SLIT3: variants seen among roughly 807,000 people sequenced by gnomAD.
SLIT3 encodes slit homolog 3 protein.
Under a neutral mutation model 184.0 loss-of-function variants are expected in SLIT3, and 68 were observed. The observed-to-expected ratio is 0.37, with a 90% CI of 0.30 to 0.45. The LOEUF (loss-of-function observed/expected upper bound fraction) is 0.45. SLIT3 is among the 20% of genes least tolerant of loss of function. The pLI is 1.00. For missense variants in SLIT3, 1,707 were observed against 2,026.0 expected, an observed-to-expected ratio of 0.84 and a Z score of 3.02; for synonymous variants, 831 against 828.6, an observed-to-expected ratio of 1.00 and a Z score of -0.05.
At chr5:169,132,714 A>T (rs186463881) in intron 4 of SLIT3, among the ~76,000 whole-genome samples, 1 of 152,196 alleles carries the variant, frequency 6.6e-6, no homozygotes, top group Non-Finnish European at 1.5e-5. Flanking sequence ...GATGCACTAA[A>T]TTTCTTGGCT....
chr5:169,172,316 T>A (rs891514652), intron 4 of SLIT3, among the ~76,000 whole-genome samples: 5 of 152,354 alleles, frequency 3.3e-5, no homozygotes, highest in Non-Finnish European at 7.3e-5. Context: ...GTTTAACCTA[T>A]GAATTAACCT....
chr5:168,950,738 G>C (rs935497038), intron 4 of SLIT3, among the ~76,000 whole-genome samples: 1 of 152,204 alleles, frequency 6.6e-6, no homozygotes, highest in African/African-American at 2.4e-5. Flanking sequence ...ACGTAAGGAT[G>C]TGAAAGTAGG....
chr5:169,135,581 G>A (rs1488873578), intron 4 of SLIT3, among the ~76,000 whole-genome samples: 1 of 152,216 alleles, frequency 6.6e-6, no homozygotes, highest in Non-Finnish European at 1.5e-5. Context: ...ATCAGTGGTA[G>A]TGAGGACAAG....
intron 4 of SLIT3, among the ~76,000 whole-genome samples, chr5:168,931,726 A>T (rs1761993118): frequency 6.6e-6 from 1 of 152,214 alleles, no homozygotes. Context: ...AGTAAGTGTC[A>T]GTGAATAACA....
chr5:168,776,679 A>T (rs551531230), intron 12 of SLIT3, among the ~76,000 whole-genome samples: 1 of 152,234 alleles, frequency 6.6e-6, no homozygotes, highest in East Asian at 1.9e-4. Flanking sequence ...GCAAATTCCG[A>T]TGCTTTGTGT....
chr5:169,117,918 T>C (rs1208685787), intron 4 of SLIT3, among the ~76,000 whole-genome samples: 1 of 152,188 alleles, frequency 6.6e-6, no homozygotes. Flanking sequence ...CTAGCATAAC[T>C]AAGAAAAGAC....
At position 168,710,949 on chromosome 5, in the gene SLIT3, G is replaced by A. The variant is rs374950339; in HGVS notation, c.2665C>T (p.Pro889Ser). Reference protein sequence around the residue: ...PGIARCSSPEPMADRLLLTTP... With the variant: ...PGIARCSSPESMADRLLLTTP... ...GTGAGCAGGAGCCTGTCAGCCATGG[G>A]CTCAGGGCTACTGCAGCGGGCGATG... Residue 889 changes from proline to serine, a missense_variant, in exon 25 of 36, where the codon CCC becomes TCC. Transcript: ENST00000519560. 6 of 1,566,466 alleles carry A rather than the reference G, an allele frequency of 3.8e-6. No individual in the cohort carries two copies. The African/African-American group carries it at 8.1e-5, about 21-fold the overall frequency.
chr5:168,738,300 T>C (rs10072233), intron 20 of SLIT3, among the ~76,000 whole-genome samples: 37,852 of 152,134 alleles, frequency 0.25, 4,885 homozygotes, highest in Non-Finnish European at 0.27. Context: ...ATGAAACTGG[T>C]GGTCACTGTA....
chr5:169,263,763 C>G, intron 1 of SLIT3: 1 of 486,494 alleles, frequency 2.1e-6, no homozygotes, highest in Non-Finnish European at 4.1e-6. Flanking sequence ...AACTTCTGAA[C>G]TTCTGGATCA....
Position 168,994,623 on chromosome 5 carries a change from C to CTTTTTTTTTTTTTT in SLIT3, c.414-111301_414-111288dup, listed in dbSNP as rs66498923. Among the ~76,000 whole-genome samples the CTTTTTTTTTTTTTT allele has an allele frequency of 2.8e-4, 13 of 47,098 alleles. 5 individuals carry two copies. The highest frequency in any genetic ancestry group is 3.9e-4 in the African/African-American group (4 of 10,222). 30.9% of individuals were successfully genotyped at this position (47,098 alleles called of 152,430 possible). A position where few individuals can be genotyped will look rare whatever the true frequency, so the allele number is the denominator to read the frequency against. ...ACATGTACCAGTGTCTGGCATTCTACTTTTTTTTTTTTTTTTTTTTTTTTT... is the reference window on the plus strand; with the variant it reads ...ACATGTACCAGTGTCTGGCATTCTACTTTTTTTTTTTTTTTTTTTTTTTTTTTTTTTTTTTTTTT... On this transcript the variant is annotated intron_variant, in intron 4 of 35. Transcript: ENST00000519560.
At chr5:168,761,241 T>G (rs1268644295) in intron 15 of SLIT3, among the ~76,000 whole-genome samples, 3 of 152,154 alleles carry the variant, frequency 2.0e-5, no homozygotes, top group South Asian at 2.1e-4. Context: ...TGTTTTCATT[T>G]TGTGGACATA....
chr5:169,076,512 CCTCT>C (rs1223342352), intron 4 of SLIT3, among the ~76,000 whole-genome samples: 5 of 152,088 alleles, frequency 3.3e-5, no homozygotes, highest in Admixed American at 2.0e-4. Flanking sequence ...CTTCTCCCTA[CCTCT>C]CTCTCTCTAG....
intron 20 of SLIT3, among the ~76,000 whole-genome samples, chr5:168,729,996 C>T (rs752574206): frequency 2.9e-4 from 44 of 151,804 alleles, no homozygotes; most frequent in Non-Finnish European, 4.7e-4. Context: ...CCCATAAAGA[C>T]GCAAATAGAC....
At position 168,946,244 on chromosome 5, in the gene SLIT3, G is replaced by T. The variant is rs1762480437; in HGVS notation, c.414-62908C>A. 2.0e-5 allele frequency among the ~76,000 whole-genome samples: 3 copies of T among 152,184 alleles called. No individual in the cohort carries two copies. In the South Asian group the frequency reaches 6.2e-4, roughly 32 times the overall value. ...GATTTGAGAACCTATCCAAGGGCCT[G>T]AGAGACCAAGGGAGGGGACTCAGTT... is the stretch of plus-strand genomic sequence containing the variant. On this transcript the variant is annotated intron_variant, in intron 4 of 35. Transcript: ENST00000519560.
rs3138760 is a variant in SLIT3 at position 169,015,931 on chromosome 5, AACACACACACACAC to A, written c.414-132609_414-132596del. ...TGAGATTCTGACTCAGAAAAATATA[AACACACACACACAC>A]ACACACACACACACACACACACACA... On this transcript the variant is annotated intron_variant, in intron 4 of 35. Transcript: ENST00000519560. 7.7e-3 allele frequency among the ~76,000 whole-genome samples: 925 copies of A among 120,378 alleles called. 10 individuals are homozygous for A. Among genetic ancestry groups the A allele is most frequent in the African/African-American group, 0.024 (781 of 32,608 alleles). 79.0% of individuals were successfully genotyped at this position (120,378 alleles called of 152,430 possible).
At chr5:168,814,258 AGGGT>A (rs1230395806) in intron 8 of SLIT3, among the ~76,000 whole-genome samples, 1 of 152,156 alleles carries the variant, frequency 6.6e-6, no homozygotes, top group African/African-American at 2.4e-5. Flanking sequence ...TTAGCTAGGC[AGGGT>A]GGTAGGTGCC....
intron 1 of SLIT3, among the ~76,000 whole-genome samples, chr5:169,268,868 T>C (rs1766498105): frequency 6.6e-6 from 1 of 152,336 alleles, no homozygotes; most frequent in African/African-American, 2.4e-5. Flanking sequence ...TATCATGTCA[T>C]ATCAGGCACT....
intron 4 of SLIT3, among the ~76,000 whole-genome samples, chr5:169,189,234 G>C (rs1191926863): frequency 2.6e-5 from 4 of 151,984 alleles, no homozygotes; most frequent in African/African-American, 9.7e-5. Flanking sequence ...AATCCTAAGG[G>C]AATCCCTTGG....
chr5:169,117,174 G>A (rs1388656308), intron 4 of SLIT3, among the ~76,000 whole-genome samples: 3 of 152,168 alleles, frequency 2.0e-5, no homozygotes, highest in Non-Finnish European at 4.4e-5. Flanking sequence ...AGGTGTGTGT[G>A]CCTGCACTGT....
Sources: allele counts gnomAD v4.1 joint callset (sites outside exome capture counted in the v4.1 genomes callset), GRCh38; gene constraint gnomAD v4.1.1; transcripts MANE v1.5; gene names NCBI Gene and HGNC (gene_info 2026-07-23, HGNC 2026-07-21).